Variants in SHTN1 observed in about 807,000 individuals in gnomAD.
The protein encoded by SHTN1 is shootin 1.
A neutral mutation model predicts 83.1 loss-of-function variants in SHTN1; 42 were observed. That is an observed-to-expected ratio of 0.51 (90% CI 0.39 to 0.65). The LOEUF (loss-of-function observed/expected upper bound fraction) is 0.65, where lower values mean the gene tolerates loss of function less well. SHTN1 is among the 30% of genes least tolerant of loss of function. The pLI is 0.00. For synonymous variants in SHTN1, 224 were observed against 247.7 expected, an observed-to-expected ratio of 0.90 and a Z score of 0.90; for missense variants, 622 against 737.8, an observed-to-expected ratio of 0.84 and a Z score of 1.82.
At chr10:116,887,845 A>T (rs1847214323) in intron 16 of SHTN1, among the ~76,000 whole-genome samples, 2 of 152,178 alleles carry the variant, frequency 1.3e-5, no homozygotes, top group Non-Finnish European at 2.9e-5. Flanking sequence ...AGGGGGAGAA[A>T]TCAAGGTTTG....
intron 1 of SHTN1, among the ~76,000 whole-genome samples, chr10:117,103,327 G>C (rs1853621899): frequency 6.6e-6 from 1 of 151,954 alleles, no homozygotes. Context: ...CTGACCTCAA[G>C]TGATCTGCCC....
intron 9 of SHTN1, 66 bp from the exon 10 acceptor site, chr10:116,930,068 A>C: frequency 9.0e-7 from 1 of 1,113,850 alleles, no homozygotes; most frequent in African/African-American, 1.6e-5. Context: ...AAGAAAAGAA[A>C]GGGAAAAAAT....
chr10:116,990,284 TTTC>T (rs1433445421), intron 1 of SHTN1, among the ~76,000 whole-genome samples: 37 of 51,950 alleles, frequency 7.1e-4, no homozygotes, highest in South Asian at 3.3e-3. Flanking sequence ...TTCTTTTTTC[TTTC>T]TTTTTTTTTT....
At chr10:117,052,158 G>A (rs1359703412) in intron 1 of SHTN1, among the ~76,000 whole-genome samples, 3 of 150,846 alleles carry the variant, frequency 2.0e-5, no homozygotes, top group Non-Finnish European at 4.4e-5. Flanking sequence ...AAGAAGAAAT[G>A]TTTTAAAATT....
intron 3 of SHTN1, among the ~76,000 whole-genome samples, chr10:116,966,431 T>A (rs185755006): frequency 4.6e-5 from 7 of 152,254 alleles, no homozygotes; most frequent in African/African-American, 1.7e-4. Flanking sequence ...AAACCTTAAA[T>A]TAATTAAAGA....
chr10:116,982,774 C>A (rs1337978471), intron 1 of SHTN1, among the ~76,000 whole-genome samples: 5 of 152,104 alleles, frequency 3.3e-5, no homozygotes, highest in Non-Finnish European at 1.5e-5. Context: ...GCCTGGCCAA[C>A]ATGGTGAAAC....
chr10:117,049,639 T>C (rs1268877803), intron 1 of SHTN1, among the ~76,000 whole-genome samples: 1 of 152,180 alleles, frequency 6.6e-6, no homozygotes, highest in East Asian at 1.9e-4. Flanking sequence ...AACAAAGGAA[T>C]GAACAGATAG....
intron 10 of SHTN1, among the ~76,000 whole-genome samples, chr10:116,928,878 CA>C (rs951205547): frequency 6.6e-6 from 1 of 152,122 alleles, no homozygotes; most frequent in African/African-American, 2.4e-5. Context: ...TGGGTACACA[CA>C]CAGCAGATAA....
In SHTN1 at chr10:117,099,875, T is replaced by C. The variant is rs560704911; in HGVS notation, c.-189+26432A>G. 5.9e-5 allele frequency among the ~76,000 whole-genome samples: 9 copies of C among 152,132 alleles called. No homozygotes were observed. The South Asian group carries it at 1.9e-3, about 32-fold the overall frequency. On this transcript the variant is annotated intron_variant, in intron 1 of 17. Transcript: ENST00000392901. The stretch of plus-strand genomic sequence containing the variant: ...ATAAAATGAATAAATGTCTATCAGT[T>C]TGTCATAAAGAGTAAATACAGGCCA...
At chr10:117,031,440 C>G (rs368691243) in intron 2 of SHTN1, among the ~76,000 whole-genome samples, 74 of 152,098 alleles carry the variant, frequency 4.9e-4, no homozygotes, top group Admixed American at 6.6e-4. Context: ...ATAATAAGTA[C>G]ACAGAAAAAC....
intron 2 of SHTN1, among the ~76,000 whole-genome samples, chr10:116,972,227 T>C (rs986777641): frequency 1.3e-5 from 2 of 152,202 alleles, no homozygotes; most frequent in African/African-American, 4.8e-5. Flanking sequence ...ATTCACAAGC[T>C]GTCTCCCATC....
intron 14 of SHTN1, among the ~76,000 whole-genome samples, chr10:116,907,361 T>G (rs2133338227): frequency 6.6e-6 from 1 of 152,326 alleles, no homozygotes; most frequent in East Asian, 1.9e-4. Flanking sequence ...GGTCGGCATC[T>G]TAACTCCACA....
In SHTN1 at chr10:116,911,855, A is replaced by G. The variant is rs368314555; in HGVS notation, c.1306-12T>C. On this transcript the variant is annotated splice_polypyrimidine_tract_variant and intron_variant, in intron 13 of 16. Coordinates refer to ENST00000355371, the MANE Select transcript of SHTN1 (RefSeq NM_001127211.3). ...TTCGAAGATTCTGGCTATAATTTTAATAAGAAAGAAAAATCACTGAGTAAT... is the reference window on the plus strand; with the variant it reads ...TTCGAAGATTCTGGCTATAATTTTAGTAAGAAAGAAAAATCACTGAGTAAT... 6.9e-5 allele frequency: 111 copies of G among 1,603,116 alleles called. No homozygotes were observed. Among genetic ancestry groups the G allele is most frequent in the Non-Finnish European group, 9.3e-5 (109 of 1,170,362 alleles).
intron 1 of SHTN1, among the ~76,000 whole-genome samples, chr10:117,102,311 T>C (rs967046204): frequency 6.6e-6 from 1 of 152,172 alleles, no homozygotes; most frequent in African/African-American, 2.4e-5. Context: ...TCAAATCTTT[T>C]ACTAAGTCTC....
intron 16 of SHTN1, among the ~76,000 whole-genome samples, chr10:116,898,451 G>A (rs975284643): frequency 6.6e-6 from 1 of 151,962 alleles, no homozygotes; most frequent in African/African-American, 2.4e-5. Flanking sequence ...TTAATCAACA[G>A]AAGAGCATGA....
At chr10:116,893,337 G>A (rs1475250061) in intron 16 of SHTN1, among the ~76,000 whole-genome samples, 3 of 152,152 alleles carry the variant, frequency 2.0e-5, no homozygotes, top group Admixed American at 1.3e-4. Context: ...CGCACATGGA[G>A]AACCTTTGTA....
intron 1 of SHTN1, among the ~76,000 whole-genome samples, chr10:117,087,245 T>A (rs915277322): frequency 3.3e-5 from 5 of 152,352 alleles, no homozygotes; most frequent in Non-Finnish European, 7.3e-5. Context: ...CACTGAATTG[T>A]ACACTTTAAA....
At chr10:117,099,007 T>TACACACAC (rs1320426265) in intron 1 of SHTN1, among the ~76,000 whole-genome samples, 3 of 43,170 alleles carry the variant, frequency 6.9e-5, no homozygotes, top group South Asian at 1.0e-3. Flanking sequence ...ATGTGGTATG[T>TACACACAC]ATACACACAC....
Position 116,949,069 on chromosome 10 carries a change from C to A in SHTN1, c.535-72G>T, listed in dbSNP as rs182172694. ...ACAGGACATATGGCAATGTGTGATA[C>A]TCAATTGCTGTTCAACTTTCAACAT... is the stretch of plus-strand genomic sequence containing the variant. On this transcript the variant is annotated intron_variant, in intron 6 of 16. Coordinates refer to ENST00000355371, the MANE Select transcript of SHTN1 (RefSeq NM_001127211.3). The A allele has an allele frequency of 4.0e-3, 5,440 of 1,366,478 alleles. 31 individuals are homozygous for A. The highest frequency in any genetic ancestry group is 0.013 in the South Asian group (721 of 53,946). The allele number at this position is 1,366,478 out of a possible 1,614,324, so 84.6% of individuals were successfully genotyped here.
Sources: allele counts gnomAD v4.1 joint callset (sites outside exome capture counted in the v4.1 genomes callset), GRCh38; gene constraint gnomAD v4.1.1; transcripts MANE v1.5; gene names NCBI Gene and HGNC (gene_info 2026-07-23, HGNC 2026-07-21).